SLC4A4: variants seen among roughly 807,000 people sequenced by gnomAD.
SLC4A4 encodes solute carrier family 4 member 4.
In SLC4A4, 27 loss-of-function variants were observed where a neutral mutation model predicts 111.5. The ratio of observed to expected loss-of-function variants is 0.24; its 90% CI spans 0.18 to 0.33. SLC4A4 has a LOEUF of 0.33. Ranked by LOEUF, SLC4A4 falls within the 10% of genes least tolerant of loss-of-function variation. The pLI, the probability that SLC4A4 is intolerant of heterozygous loss-of-function variation, is 1.00. For missense variants in SLC4A4, 909 were observed against 1,315.5 expected (o/e 0.69, Z 4.78); for synonymous variants, 443 against 463.4 (o/e 0.96, Z 0.57).
chr4:71,364,294 A>G (rs182021624), intron 6 of SLC4A4, among the ~76,000 whole-genome samples: 2 of 152,278 alleles, frequency 1.3e-5, no homozygotes, highest in East Asian at 3.9e-4. Flanking sequence ...CTCAGTTTTT[A>G]TATCTGTAAA....
At chr4:71,102,390 G>A (rs1364307525) in intron 2 of SLC4A4, among the ~76,000 whole-genome samples, 2 of 150,382 alleles carry the variant, frequency 1.3e-5, no homozygotes, top group East Asian at 2.0e-4. Context: ...AGCAAGGCAG[G>A]CCAACGTTCA....
chr4:71,162,932 A>C (rs560512338), intron 2 of SLC4A4, among the ~76,000 whole-genome samples: 51 of 152,274 alleles, frequency 3.3e-4, no homozygotes, highest in Middle Eastern at 3.4e-3. Context: ...TTTCACTAGA[A>C]CCATGTTCCT....
chr4:71,152,585 G>C (rs561298293), intron 2 of SLC4A4, among the ~76,000 whole-genome samples: 1 of 152,178 alleles, frequency 6.6e-6, no homozygotes, highest in South Asian at 2.1e-4. Flanking sequence ...ATGGGCATTT[G>C]GGTTCTCTGC....
intron 2 of SLC4A4, among the ~76,000 whole-genome samples, chr4:71,132,090 A>G (rs983287153): frequency 3.9e-5 from 6 of 152,200 alleles, no homozygotes; most frequent in African/African-American, 1.4e-4. Context: ...TTTAAGTTTT[A>G]AAAAATAATA....
At position 71,569,658 on chromosome 4, in the gene SLC4A4, A is replaced by G. The variant is rs187200989; in HGVS notation, c.*1907A>G. 5 of 151,874 alleles carry G rather than the reference A, an allele frequency of 3.3e-5. No individual in the cohort carries two copies. The highest frequency in any genetic ancestry group is 1.9e-4 in the East Asian group (1 of 5,130). The allele number at this position is 151,874 out of a possible 1,614,324, so 9.4% of individuals were successfully genotyped here. On this transcript the variant is annotated 3_prime_UTR_variant, in exon 26 of 26. Transcript: ENST00000264485. ...ACTATAACCAGTTGTTGAGGGGTAT[A>G]CTAGAAGCAGAATGAAACCACATTT...
chr4:71,430,879 T>C (rs1216866272), intron 7 of SLC4A4, among the ~76,000 whole-genome samples: 2 of 152,160 alleles, frequency 1.3e-5, no homozygotes, highest in Non-Finnish European at 2.9e-5. Flanking sequence ...TTGGCCTCCA[T>C]GCTGTAGACC....
exon 2 of SLC4A4, among the ~76,000 whole-genome samples, chr4:71,092,788 C>T (rs2148941730): frequency 6.6e-6 from 1 of 152,236 alleles, no homozygotes; most frequent in South Asian, 2.1e-4. Flanking sequence ...GATGCTTGAC[C>T]TATTGTAAGT....
At chr4:71,397,514 C>A in intron 6 of SLC4A4, 63 bp from the exon 7 acceptor site, 2 of 1,344,288 alleles carry the variant, frequency 1.5e-6, no homozygotes, top group Non-Finnish European at 2.1e-6. Flanking sequence ...ATTAAGTATA[C>A]CACCAAAGTC....
At chr4:71,351,062 C>A (rs1729783184) in intron 5 of SLC4A4, among the ~76,000 whole-genome samples, 1 of 152,198 alleles carries the variant, frequency 6.6e-6, no homozygotes, top group African/African-American at 2.4e-5. Context: ...GTTTGGAATG[C>A]AGTGGTGTGT....
intron 23 of SLC4A4, among the ~76,000 whole-genome samples, chr4:71,560,480 T>A (rs1160057026): frequency 6.6e-6 from 1 of 151,764 alleles, no homozygotes. Flanking sequence ...ACATAATGAC[T>A]AATAATGACT....
At chr4:71,527,693 T>C (rs112132725) in intron 16 of SLC4A4, among the ~76,000 whole-genome samples, 2,086 of 145,336 alleles carry the variant, frequency 0.014, 38 homozygotes, top group South Asian at 0.07. Flanking sequence ...TTCTCCTCTT[T>C]ATTAAAAAAA....
At chr4:71,468,947 A>C (rs1223124848) in intron 13 of SLC4A4, among the ~76,000 whole-genome samples, 3 of 151,976 alleles carry the variant, frequency 2.0e-5, no homozygotes, top group Non-Finnish European at 4.4e-5. Context: ...GGTTCACTGG[A>C]CTCAAACTCT....
At chr4:71,344,864 A>G (rs1352389305) in intron 4 of SLC4A4, among the ~76,000 whole-genome samples, 2 of 152,172 alleles carry the variant, frequency 1.3e-5, no homozygotes, top group African/African-American at 4.8e-5. Context: ...TTATGGCTGT[A>G]GTACTACTTC....
At chr4:71,553,062 T>G (rs16846566) in intron 20 of SLC4A4, among the ~76,000 whole-genome samples, 5,617 of 151,994 alleles carry the variant, frequency 0.037, 231 homozygotes, top group African/African-American at 0.1. Flanking sequence ...TTTTCCATAT[T>G]GGAAGATTTT....
chr4:71,348,767 T>C (rs1351008937), intron 4 of SLC4A4, among the ~76,000 whole-genome samples: 1 of 152,126 alleles, frequency 6.6e-6, no homozygotes, highest in Non-Finnish European at 1.5e-5. Context: ...TTTCCCCTCC[T>C]CTGGGGGTGG....
At position 71,568,151 on chromosome 4, in the gene SLC4A4, G is replaced by T; in HGVS notation, c.*400G>T. The T allele has an allele frequency of 2.7e-6, 1 of 372,296 alleles. No homozygotes were observed. The highest frequency in any genetic ancestry group is 6.5e-5 in the East Asian group (1 of 15,362). The allele number at this position is 372,296 out of a possible 1,614,324, so 23.1% of individuals were successfully genotyped here. ...TTGATAACCAAATTCTGTCACTCAA[G>T]ACACAGACACGCACAGACCCTGTCC... On this transcript the variant is annotated 3_prime_UTR_variant, in exon 26 of 26. Coordinates refer to ENST00000264485, the MANE Select transcript of SLC4A4 (RefSeq NM_001098484.3).
intron 1 of SLC4A4, among the ~76,000 whole-genome samples, chr4:71,084,390 T>G (rs1742086778): frequency 6.6e-6 from 1 of 152,092 alleles, no homozygotes; most frequent in African/African-American, 2.4e-5. Flanking sequence ...ATGACAGTTT[T>G]TTAAATTGTA....
intron 2 of SLC4A4, among the ~76,000 whole-genome samples, chr4:71,119,356 T>C (rs1303226106): frequency 6.6e-6 from 1 of 152,162 alleles, no homozygotes; most frequent in East Asian, 1.9e-4. Flanking sequence ...TGCTTTTTTA[T>C]TGTTGTAGTT....
intron 2 of SLC4A4, among the ~76,000 whole-genome samples, chr4:71,102,553 C>G (rs1461975820): frequency 6.6e-6 from 1 of 152,170 alleles, no homozygotes; most frequent in East Asian, 1.9e-4. Flanking sequence ...GAAAGCCCAT[C>G]AGACTAACAG....
Sources: allele counts gnomAD v4.1 joint callset (sites outside exome capture counted in the v4.1 genomes callset), GRCh38; gene constraint gnomAD v4.1.1; transcripts MANE v1.5; gene names NCBI Gene and HGNC (gene_info 2026-07-23, HGNC 2026-07-21).